The following TULP4 variants were observed in gnomAD, a reference collection of about 807,000 sequenced individuals.
The protein encoded by TULP4 is TUB like protein 4, also known as tubby-related protein 4.
A neutral mutation model predicts 129.0 loss-of-function variants in TULP4; 16 were observed. The ratio of observed to expected loss-of-function variants is 0.12; its 90% CI spans 0.08 to 0.19. The LOEUF (loss-of-function observed/expected upper bound fraction) is 0.19. Ranked by LOEUF, TULP4 falls within the 10% of genes least tolerant of loss-of-function variation. TULP4 has a pLI of 1.00. For missense variants in TULP4, 1,842 were observed against 2,059.1 expected (o/e 0.89, Z 2.04); for synonymous variants, 998 against 854.0 (o/e 1.17, Z -2.94).
At chr6:158,472,863 A>T (rs192851277) in intron 6 of TULP4, among the ~76,000 whole-genome samples, 1 of 152,310 alleles carries the variant, frequency 6.6e-6, no homozygotes, top group Admixed American at 6.5e-5. Flanking sequence ...TTTCTGTCCT[A>T]CATGTTGTAA....
intron 1 of TULP4, among the ~76,000 whole-genome samples, chr6:158,362,461 C>T (rs901978129): frequency 6.6e-6 from 1 of 152,044 alleles, no homozygotes; most frequent in African/African-American, 2.4e-5. Context: ...GCAATGCTCC[C>T]GCCTCAGCTT....
At chr6:158,339,758 C>G (rs931382714) in intron 1 of TULP4, among the ~76,000 whole-genome samples, 1 of 152,146 alleles carries the variant, frequency 6.6e-6, no homozygotes, top group African/African-American at 2.4e-5. Context: ...TTATCCTGTT[C>G]TTAAGGTGCC....
intron 6 of TULP4, among the ~76,000 whole-genome samples, chr6:158,467,426 C>T (rs942089401): frequency 4.6e-5 from 7 of 151,930 alleles, no homozygotes; most frequent in Middle Eastern, 6.8e-3. Context: ...ATTACAGGCG[C>T]GTGCCACCAC....
At chr6:158,398,872 T>G (rs1043598257) in intron 1 of TULP4, among the ~76,000 whole-genome samples, 1 of 152,212 alleles carries the variant, frequency 6.6e-6, no homozygotes, top group African/African-American at 2.4e-5. Context: ...ACTTTGCCAC[T>G]CCCTAAGTGA....
chr6:158,504,781 C>T lies in TULP4; in HGVS notation c.4515+603C>T, dbSNP rs118032058. Among the ~76,000 whole-genome samples, 454 of 152,216 alleles carry T rather than the reference C, an allele frequency of 3.0e-3. 1 individual carries two copies. Among genetic ancestry groups the T allele is most frequent in the Non-Finnish European group, 4.9e-3 (336 of 68,010 alleles). ...TGTTGGGATTACAGGCGTGAGCCAA[C>T]GCACCTGGCCTGCAGTCATATTTGT... On this transcript the variant is annotated intron_variant, in intron 13 of 13. Coordinates refer to ENST00000367097, the MANE Select transcript of TULP4 (RefSeq NM_020245.5).
At chr6:158,268,377 A>G (rs9364889) in intron 1 of TULP4, among the ~76,000 whole-genome samples, 1 of 151,688 alleles carries the variant, frequency 6.6e-6, no homozygotes. Flanking sequence ...GGAGAGGGAT[A>G]AGGTAAACAG....
intron 1 of TULP4, among the ~76,000 whole-genome samples, chr6:158,316,481 A>G (rs1779495448): frequency 6.6e-6 from 1 of 152,194 alleles, no homozygotes; most frequent in Admixed American, 6.5e-5. Flanking sequence ...TTTTCCATTA[A>G]AAACAGTGGT....
intron 1 of TULP4, among the ~76,000 whole-genome samples, chr6:158,364,659 G>A (rs1029306118): frequency 2.0e-5 from 3 of 152,092 alleles, no homozygotes; most frequent in Non-Finnish European, 4.4e-5. Flanking sequence ...TGTTTTTTCA[G>A]TCTGCTAGTT....
chr6:158,416,268 A>C (rs897528873), intron 2 of TULP4, among the ~76,000 whole-genome samples: 1 of 152,172 alleles, frequency 6.6e-6, no homozygotes, highest in Non-Finnish European at 1.5e-5. Context: ...ACCCTCACAG[A>C]CACACCAGGA....
chr6:158,395,809 T>C (rs898936886), intron 1 of TULP4, among the ~76,000 whole-genome samples: 8 of 150,314 alleles, frequency 5.3e-5, no homozygotes, highest in African/African-American at 2.0e-4. Context: ...AGCCTGTTTT[T>C]CTTTGATTTT....
At chr6:158,248,707 A>C (rs1263568933) in intron 1 of TULP4, among the ~76,000 whole-genome samples, 1 of 152,008 alleles carries the variant, frequency 6.6e-6, no homozygotes, top group Non-Finnish European at 1.5e-5. Context: ...GTGCCACCGC[A>C]CTCTAGCCTG....
intron 1 of TULP4, among the ~76,000 whole-genome samples, chr6:158,296,657 A>G (rs1243892874): frequency 2.0e-5 from 3 of 151,136 alleles, no homozygotes; most frequent in Non-Finnish European, 2.9e-5. Context: ...GGTTCTTTCT[A>G]TTTTCCCTAA....
chr6:158,243,115 C>T (rs550589672), intron 1 of TULP4, among the ~76,000 whole-genome samples: 2 of 152,246 alleles, frequency 1.3e-5, no homozygotes, highest in African/African-American at 2.4e-5. Context: ...ACATTGCTAA[C>T]AGTGGAGACT....
intron 2 of TULP4, among the ~76,000 whole-genome samples, chr6:158,427,578 C>T (rs1778530537): frequency 6.9e-6 from 1 of 144,344 alleles, no homozygotes; most frequent in African/African-American, 2.6e-5. Context: ...ACTGCAACCT[C>T]CACCTCCCAG....
At chr6:158,238,942 G>A (rs1469933996) in intron 1 of TULP4, among the ~76,000 whole-genome samples, 2 of 136,466 alleles carry the variant, frequency 1.5e-5, no homozygotes, top group African/African-American at 5.2e-5. Flanking sequence ...GAGCTGTTGG[G>A]CACACCTCCC....
At position 158,440,213 on chromosome 6, in the gene TULP4, G is replaced by A. The variant is rs776280913; in HGVS notation, c.544-8783G>A. ...CACACATATAGTCTCAGCTACTGGG[G>A]AGGCTGAGGTGGGAGGACTGCTTGA... On this transcript the variant is annotated intron_variant, in intron 3 of 13. Coordinates refer to ENST00000367097, the MANE Select transcript of TULP4 (RefSeq NM_020245.5). 2.4e-4 allele frequency among the ~76,000 whole-genome samples: 36 copies of A among 151,080 alleles called. No homozygotes were observed. In the Middle Eastern group the frequency reaches 0.01, roughly 43 times the overall value.
intron 1 of TULP4, among the ~76,000 whole-genome samples, chr6:158,391,218 T>C (rs150202377): frequency 6.6e-6 from 1 of 152,390 alleles, no homozygotes; most frequent in Non-Finnish European, 1.5e-5. Flanking sequence ...ATGGGTGTTA[T>C]TTATTTCCTT....
Position 158,503,891 on chromosome 6 carries a change from C to T in TULP4, c.4228C>T (p.Pro1410Ser). The change falls in exon 13 of 14, where the codon CCT (proline) becomes TCT (serine). Residue 1410 changes from proline (P) to serine (S), a missense_variant. Physicochemically the swap from Pro to Ser is moderately conservative, Grantham distance 74 (BLOSUM62 -1). Transcript: ENST00000367097. The surrounding 1 kb of genome is among the most constrained non-coding windows in gnomAD (Gnocchi z 4.3). ...NEFQDSSESE[P>S]ELFISGDELM... ...GTTCCAGGACAGCTCCGAGAGCGAG[C>T]CTGAGCTGTTCATCAGCGGGGATGA... 1 of 1,614,076 alleles carries T rather than the reference C, an allele frequency of 6.2e-7. No individual in the cohort carries two copies. The highest frequency in any genetic ancestry group is 8.5e-7 in the Non-Finnish European group (1 of 1,180,042).
intron 1 of TULP4, among the ~76,000 whole-genome samples, chr6:158,285,986 G>A (rs1380471588): frequency 6.6e-6 from 1 of 152,156 alleles, no homozygotes; most frequent in African/African-American, 2.4e-5. Context: ...GATTATTTTT[G>A]CAAGTAAAAA....
Sources: allele counts gnomAD v4.1 joint callset (sites outside exome capture counted in the v4.1 genomes callset), GRCh38; gene constraint gnomAD v4.1.1; non-coding constraint Gnocchi (gnomAD v3.1); transcripts MANE v1.5; gene names NCBI Gene and HGNC (gene_info 2026-07-23, HGNC 2026-07-21).